ERICH6: variants seen among roughly 807,000 people sequenced by gnomAD.
ERICH6 encodes the protein glutamate rich 6.
In ERICH6, 71 loss-of-function variants were observed where a neutral mutation model predicts 71.0. The ratio of observed to expected loss-of-function variants is 1.00; its 90% CI spans 0.83 to 1.22. The LOEUF (loss-of-function observed/expected upper bound fraction) is 1.22. Ranked by LOEUF, ERICH6 falls within the 50% of genes most tolerant of loss-of-function variation. The probability of loss-of-function intolerance (pLI) is 0.00; values close to 1 mark genes in which losing one functional copy is unlikely to be tolerated. For missense variants in ERICH6, 808 were observed against 797.2 expected (o/e 1.01, Z -0.16); for synonymous variants, 262 against 278.4 (o/e 0.94, Z 0.59).
chr3:150,684,351 T>C (rs1712092409), intron 6 of ERICH6, among the ~76,000 whole-genome samples: 1 of 152,186 alleles, frequency 6.6e-6, no homozygotes, highest in Admixed American at 6.5e-5. Context: ...ATACTTAATG[T>C]TTCCCCTCAC....
Position 150,678,418 on chromosome 3 carries a change from T to G in ERICH6, c.1248A>C (p.Ala416=). 6.4e-7 allele frequency: 1 copy of G among 1,569,816 alleles called. No individual in the cohort carries two copies. The highest frequency in any genetic ancestry group is 1.2e-5 in the South Asian group (1 of 82,266). The change falls in exon 10 of 14, where the codon GCA becomes GCC. Residue 416 remains alanine (A), a synonymous_variant. Coordinates refer to ENST00000295910, the MANE Select transcript of ERICH6 (RefSeq NM_152394.5). ...MSIICCDSRI[A]CGKVVRNELL... ...ATTACAAGTTCATTACCTTTCCACA[T>G]GCTATCCGAGAATCACAACAAATGA...
At chr3:150,660,293 C>T (rs545080841) in intron 13 of ERICH6, 138 bp from the exon 14 acceptor site, 29 of 945,126 alleles carry the variant, frequency 3.1e-5, no homozygotes, top group African/African-American at 2.3e-4. Context: ...TAAGCAGGGG[C>T]GGTGGTGTTA....
intron 2 of ERICH6, 96 bp downstream of exon 2, chr3:150,702,025 T>C: frequency 1.2e-6 from 1 of 832,690 alleles, no homozygotes; most frequent in Admixed American, 3.0e-5. Flanking sequence ...AAGTCACAAA[T>C]GCCCTGGATT....
At chr3:150,676,854 C>A (rs1711677092) in intron 10 of ERICH6, among the ~76,000 whole-genome samples, 1 of 151,784 alleles carries the variant, frequency 6.6e-6, no homozygotes, top group South Asian at 2.1e-4. Context: ...TGCTCTGTTG[C>A]CCAGGCTGGA....
intron 9 of ERICH6, among the ~76,000 whole-genome samples, chr3:150,679,948 G>A (rs1384402363): frequency 2.6e-5 from 4 of 152,176 alleles, no homozygotes; most frequent in Admixed American, 6.5e-5. Flanking sequence ...GTGAGCCACC[G>A]CGCCCAGCCA....
At chr3:150,681,774 G>C (rs980206684) in intron 7 of ERICH6, among the ~76,000 whole-genome samples, 16 of 142,170 alleles carry the variant, frequency 1.1e-4, no homozygotes, top group Non-Finnish European at 2.4e-4. Flanking sequence ...CTGTGCTTGT[G>C]ATTTGCGTTT....
At chr3:150,703,118 C>T (rs1712979920) in intron 1 of ERICH6, among the ~76,000 whole-genome samples, 1 of 151,650 alleles carries the variant, frequency 6.6e-6, no homozygotes, top group African/African-American at 2.4e-5. Context: ...GTGGCGTGTG[C>T]CTGTAGTTCC....
chr3:150,684,240 AC>A (rs1335523884), intron 6 of ERICH6, among the ~76,000 whole-genome samples: 2 of 152,218 alleles, frequency 1.3e-5, no homozygotes, highest in Non-Finnish European at 2.9e-5. Context: ...AAATAAAAAA[AC>A]AAAAGAATTT....
intron 6 of ERICH6, among the ~76,000 whole-genome samples, chr3:150,683,198 T>C (rs1712039811): frequency 1.3e-5 from 2 of 152,152 alleles, no homozygotes; most frequent in African/African-American, 4.8e-5. Context: ...TACCCCAGAG[T>C]AATGTCCAAC....
At chr3:150,664,262 C>G (rs557521642) in intron 13 of ERICH6, among the ~76,000 whole-genome samples, 2 of 152,072 alleles carry the variant, frequency 1.3e-5, no homozygotes, top group Non-Finnish European at 2.9e-5. Context: ...ACAAATAAAT[C>G]TTCAATACTT....
chr3:150,680,520 C>T lies in ERICH6; in HGVS notation c.1059G>A (p.Met353Ile). 6.2e-7 allele frequency: 1 copy of T among 1,614,172 alleles called. No individual in the cohort carries two copies. The highest frequency in any genetic ancestry group is 8.5e-7 in the Non-Finnish European group (1 of 1,180,032). ...TTGATATTATTGCAAAATGTCTGGC[C>T]ATTCGTTGCTCCTGTTTCCTACAAA... ...KALQRKQEQR[M>I]ARHFAIISRE... Residue 353 changes from methionine (M) to isoleucine (I), a missense_variant, in exon 9 of 14, where the codon ATG becomes ATA. Physicochemically the swap from Met to Ile is conservative, Grantham distance 10. Transcript: ENST00000295910.
At position 150,678,426 on chromosome 3, in the gene ERICH6, G is replaced by T. The variant is rs759886862; in HGVS notation, c.1240C>A (p.Arg414=). 3 of 1,573,828 alleles carry T rather than the reference G, an allele frequency of 1.9e-6. No individual in the cohort carries two copies. In the South Asian group the frequency reaches 3.6e-5, roughly 19 times the overall value. ...TTCATTACCTTTCCACATGCTATCCGAGAATCACAACAAATGATAGACATG... is the reference window on the plus strand; with the variant it reads ...TTCATTACCTTTCCACATGCTATCCTAGAATCACAACAAATGATAGACATG... ...SNMSIICCDS[R]IACGKVVRNE... Residue 414 remains arginine (R), a synonymous_variant, in exon 10 of 14, where the codon CGG becomes AGG. Coordinates refer to ENST00000295910, the MANE Select transcript of ERICH6 (RefSeq NM_152394.5).
At chr3:150,670,646 C>G (rs73003070) in intron 11 of ERICH6, among the ~76,000 whole-genome samples, 26,053 of 151,790 alleles carry the variant, frequency 0.17, 2,405 homozygotes, top group African/African-American at 0.23. Context: ...ATGTATTAAA[C>G]CCGATAAATG....
intron 3 of ERICH6, among the ~76,000 whole-genome samples, chr3:150,695,629 C>T (rs1198199059): frequency 2.0e-5 from 3 of 152,108 alleles, no homozygotes; most frequent in Admixed American, 6.5e-5. Flanking sequence ...GATCGCGCCA[C>T]TCCACTCCAG....
At position 150,660,040 on chromosome 3, in the gene ERICH6, T is replaced by C; in HGVS notation, c.1844A>G (p.Asn615Ser). ...TTCCCAAACCTGGCTTGAGGGAAAA[T>C]TCACACATCCTTCAAGTTTATGAAA... ...RLFHKLEGCV[N>S]FPSSQVWEKL... Residue 615 changes from asparagine (N) to serine (S), a missense_variant, in exon 14 of 14, where the codon AAT (asparagine) becomes AGT (serine). This residue lies in a region of ERICH6 where 736 missense variants were observed against 712.2 expected (regional missense o/e 1.03). Transcript: ENST00000295910. The C allele has an allele frequency of 6.2e-7, 1 of 1,613,972 alleles. No individual in the cohort carries two copies. The highest frequency in any genetic ancestry group is 8.5e-7 in the Non-Finnish European group (1 of 1,180,002).
chr3:150,695,754 G>C (rs1462176374), intron 3 of ERICH6, among the ~76,000 whole-genome samples: 1 of 150,468 alleles, frequency 6.6e-6, no homozygotes, highest in East Asian at 1.9e-4. Flanking sequence ...AGAACTTTAT[G>C]AGGCTCATAT....
chr3:150,684,563 A>G (rs982479152), intron 6 of ERICH6, among the ~76,000 whole-genome samples: 3 of 152,148 alleles, frequency 2.0e-5, no homozygotes, highest in Non-Finnish European at 4.4e-5. Context: ...CTGGGGAGTA[A>G]GCAGTTCTCT....
At chr3:150,672,631 T>C (rs1225106785) in intron 11 of ERICH6, among the ~76,000 whole-genome samples, 4 of 149,482 alleles carry the variant, frequency 2.7e-5, no homozygotes, top group African/African-American at 1.0e-4. Flanking sequence ...TTTTTCTTTT[T>C]CTTTTTTTAT....
rs1297889566 is a variant in ERICH6, at chr3:150,680,450, C to T, written c.1111+18G>A. 3 of 1,611,908 alleles carry T rather than the reference C, an allele frequency of 1.9e-6. No homozygotes were observed. Among genetic ancestry groups the T allele is most frequent in the Non-Finnish European group, 1.7e-6 (2 of 1,178,194 alleles). On this transcript the variant is annotated intron_variant, in intron 9 of 13. Coordinates refer to ENST00000295910, the MANE Select transcript of ERICH6 (RefSeq NM_152394.5). ...ACGTTGTACAGCTGGTCTATAAGAT[C>T]AGCACTAATGAACTCACCATCTTCA...
Sources: allele counts gnomAD v4.1 joint callset (sites outside exome capture counted in the v4.1 genomes callset), GRCh38; gene constraint gnomAD v4.1.1; regional missense constraint gnomAD v4.1.1; transcripts MANE v1.5; gene names NCBI Gene and HGNC (gene_info 2026-07-23, HGNC 2026-07-21).